Variants in SRPRB observed in about 807,000 individuals in gnomAD.
SRPRB encodes the protein SRP receptor subunit beta.
A neutral mutation model predicts 31.9 loss-of-function variants in SRPRB; 20 were observed. That is an observed-to-expected ratio of 0.63 (90% CI 0.44 to 0.91). The LOEUF (loss-of-function observed/expected upper bound fraction) is 0.91, where lower values mean the gene tolerates loss of function less well. Among genes scored for constraint, SRPRB ranks in the 40% least tolerant of loss-of-function variants. SRPRB has a pLI of 0.00. For missense variants in SRPRB, 321 were observed against 324.9 expected, an observed-to-expected ratio of 0.99 and a Z score of 0.09; for synonymous variants, 146 against 132.8, an observed-to-expected ratio of 1.10 and a Z score of -0.68.
chr3:133,806,036 G>A, intron 1 of SRPRB, 34 bp downstream of exon 1: 2 of 1,603,290 alleles, frequency 1.2e-6, no homozygotes, highest in Non-Finnish European at 1.7e-6. Flanking sequence ...GCGGGTTTGG[G>A]GCGGGCAGAG....
chr3:133,813,893 CT>C (rs755183856), intron 4 of SRPRB, among the ~76,000 whole-genome samples: 6 of 152,226 alleles, frequency 3.9e-5, no homozygotes, highest in Middle Eastern at 3.2e-3. Flanking sequence ...TTATGTAAGC[CT>C]TTCCCCTTGG....
chr3:133,828,474 C>A, downstream of SRPRB: 1 of 422,900 alleles, frequency 2.4e-6, no homozygotes, highest in Admixed American at 4.2e-5. Flanking sequence ...AAAATGACTA[C>A]ATTTTTATCT....
chr3:133,798,696 G>A (rs993644235), intron 1 of SRPRB, among the ~76,000 whole-genome samples: 2 of 152,034 alleles, frequency 1.3e-5, no homozygotes, highest in Non-Finnish European at 2.9e-5. Context: ...GTGTAAAAAA[G>A]CATGACACAT....
At chr3:133,817,277 T>C (rs1167265182) in intron 6 of SRPRB, among the ~76,000 whole-genome samples, 2 of 152,190 alleles carry the variant, frequency 1.3e-5, no homozygotes, top group African/African-American at 2.4e-5. Context: ...GTGGAAGTGT[T>C]TGTTCACCAC....
At chr3:133,809,290 GC>G (rs1428928030) in intron 3 of SRPRB, among the ~76,000 whole-genome samples, 2 of 152,182 alleles carry the variant, frequency 1.3e-5, no homozygotes, top group East Asian at 3.8e-4. Context: ...ACTGCACCCA[GC>G]CATGTAATAA....
chr3:133,815,091 T>A (rs955591189), intron 4 of SRPRB, among the ~76,000 whole-genome samples: 1 of 152,204 alleles, frequency 6.6e-6, no homozygotes. Flanking sequence ...GTATCCCTTA[T>A]CCAAAATGCT....
chr3:133,815,746 C>T lies in SRPRB; in HGVS notation c.547+20C>T, dbSNP rs940045876. 8.1e-6 allele frequency: 13 copies of T among 1,608,670 alleles called. No individual in the cohort carries two copies. The highest frequency in any genetic ancestry group is 9.4e-6 in the Non-Finnish European group (11 of 1,176,424). On this transcript the variant is annotated intron_variant, in intron 5 of 6. Coordinates refer to ENST00000678299, the MANE Select transcript of SRPRB (RefSeq NM_001379313.1). ...AGCAAGGTGCCATCATGTTTTCTTG[C>T]AATAATAATTGAGTTTTTTGGGGAT...
intron 4 of SRPRB, 56 bp from the exon 5 acceptor site, chr3:133,815,534 A>G: frequency 6.2e-7 from 1 of 1,605,160 alleles, no homozygotes; most frequent in East Asian, 2.2e-5. Context: ...GTTTTTCAAG[A>G]TAATGATGTC....
intron 4 of SRPRB, among the ~76,000 whole-genome samples, chr3:133,814,480 C>G (rs1465767530): frequency 1.3e-5 from 2 of 150,516 alleles, no homozygotes; most frequent in African/African-American, 4.9e-5. Flanking sequence ...GCTTTGTCAC[C>G]CAGGCTGGAG....
At chr3:133,791,321 C>T (rs778453354) in intron 1 of SRPRB, 5 of 152,222 alleles carry the variant, frequency 3.3e-5, no homozygotes, top group Middle Eastern at 3.4e-3. Flanking sequence ...CTCCAAAATT[C>T]GTAAACTATT....
chr3:133,784,424 G>A (rs534548128), intron 1 of SRPRB: 7 of 147,788 alleles, frequency 4.7e-5, no homozygotes, highest in African/African-American at 7.5e-5. Context: ...TGTGACTTAT[G>A]ATAGAGTTAG....
intron 4 of SRPRB, among the ~76,000 whole-genome samples, chr3:133,815,340 T>G (rs1234514726): frequency 6.6e-6 from 1 of 152,190 alleles, no homozygotes; most frequent in Non-Finnish European, 1.5e-5. Flanking sequence ...TATATGATGA[T>G]TTGTCTTGGA....
upstream of SRPRB, chr3:133,805,517 T>C (rs547155657): frequency 1.8e-4 from 41 of 221,674 alleles, no homozygotes; most frequent in East Asian, 2.9e-3. Context: ...TTAGCGACGG[T>C]CGGGAACTCC....
chr3:133,804,140 G>C (rs927173057), upstream of SRPRB, among the ~76,000 whole-genome samples: 2 of 147,654 alleles, frequency 1.4e-5, no homozygotes, highest in African/African-American at 5.0e-5. Flanking sequence ...GTTTTTTGCA[G>C]AGACAGAGTC....
chr3:133,808,746 C>T (rs1295525275), intron 3 of SRPRB, among the ~76,000 whole-genome samples: 1 of 151,544 alleles, frequency 6.6e-6, no homozygotes, highest in African/African-American at 2.4e-5. Context: ...CAAAAATTAG[C>T]CGGGTGTGGT....
In SRPRB at chr3:133,820,021, T is replaced by G; in HGVS notation, c.*255T>G. Reference sequence around the variant, plus strand: ...TATCTTCCCTTTGTTAAGGTGTAACTTGATGTAGGGTCAAGGTTTTTGTGA... The same window carrying G: ...TATCTTCCCTTTGTTAAGGTGTAACGTGATGTAGGGTCAAGGTTTTTGTGA... On this transcript the variant is annotated 3_prime_UTR_variant, in exon 7 of 7. Transcript: ENST00000678299. 2.3e-6 allele frequency: 1 copy of G among 443,960 alleles called. No individual in the cohort carries two copies. The highest frequency in any genetic ancestry group is 2.6e-5 in the South Asian group (1 of 38,144). The allele number at this position is 443,960 out of a possible 1,614,324, so 27.5% of individuals were successfully genotyped here.
rs1426303147 is a variant in SRPRB at position 133,811,111 on chromosome 3, C to A, written c.328-6C>A. The A allele has an allele frequency of 6.2e-7, 1 of 1,613,708 alleles. No homozygotes were observed. Among genetic ancestry groups the A allele is most frequent in the Non-Finnish European group, 8.5e-7 (1 of 1,179,782 alleles). On this transcript the variant is annotated splice_polypyrimidine_tract_variant and splice_region_variant and intron_variant, in intron 3 of 6. Transcript: ENST00000678299. ...GAAACGTTAATGTTATTGCTGCCAT[C>A]CCCAGGGCAATAGTCTGACCTTGAT...
chr3:133,808,990 A>C (rs1935212461), intron 3 of SRPRB, among the ~76,000 whole-genome samples: 1 of 151,402 alleles, frequency 6.6e-6, no homozygotes, highest in African/African-American at 2.4e-5. Flanking sequence ...TGTAATGCAT[A>C]AGTTTGTTTG....
intron 4 of SRPRB, among the ~76,000 whole-genome samples, chr3:133,814,171 G>T (rs1576384160): frequency 2.1e-5 from 3 of 143,086 alleles, no homozygotes; most frequent in Admixed American, 7.2e-5. Context: ...TCGCTCTGTT[G>T]CCCAGGCTGG....
Sources: allele counts gnomAD v4.1 joint callset (sites outside exome capture counted in the v4.1 genomes callset), GRCh38; gene constraint gnomAD v4.1.1; transcripts MANE v1.5; gene names NCBI Gene and HGNC (gene_info 2026-07-23, HGNC 2026-07-21).